NRXN3: variants seen among roughly 807,000 people sequenced by gnomAD.
NRXN3 encodes neurexin 3, also known as neurexin III.
In NRXN3, 32 loss-of-function variants were observed where a neutral mutation model predicts 137.6. The ratio of observed to expected loss-of-function variants is 0.23; its 90% CI spans 0.18 to 0.31. NRXN3 has a LOEUF of 0.31. Ranked by LOEUF, NRXN3 falls within the 10% of genes least tolerant of loss-of-function variation. The probability of loss-of-function intolerance (pLI) is 1.00; values close to 1 mark genes in which losing one functional copy is unlikely to be tolerated. For synonymous variants in NRXN3, 798 were observed against 784.5 expected (o/e 1.02, Z -0.29); for missense variants, 1,574 against 2,062.5 (o/e 0.76, Z 4.59).
chr14:78,450,229 G>A (rs2094519356), intron 4 of NRXN3, among the ~76,000 whole-genome samples: 1 of 152,196 alleles, frequency 6.6e-6, no homozygotes, highest in Non-Finnish European at 1.5e-5. Flanking sequence ...TTAGCAGATT[G>A]AGAAAAGTGT....
At chr14:79,425,408 C>T (rs1440882530) in intron 15 of NRXN3, among the ~76,000 whole-genome samples, 1 of 152,114 alleles carries the variant, frequency 6.6e-6, no homozygotes, top group Admixed American at 6.5e-5. Context: ...TCTTAGAAAA[C>T]CTTCAGTGCC....
chr14:79,112,902 T>C (rs1418074410), intron 15 of NRXN3, among the ~76,000 whole-genome samples: 1 of 152,164 alleles, frequency 6.6e-6, no homozygotes, highest in Middle Eastern at 3.2e-3. Flanking sequence ...TGAAAAAGAT[T>C]AGGCAAAGTT....
intron 19 of NRXN3, among the ~76,000 whole-genome samples, chr14:79,775,496 C>T (rs1385361424): frequency 2.0e-5 from 3 of 147,306 alleles, no homozygotes; most frequent in Non-Finnish European, 4.4e-5. Context: ...GATATTCAGC[C>T]TAAGATGGAT....
At chr14:79,761,608 G>A (rs1441821204) in intron 19 of NRXN3, among the ~76,000 whole-genome samples, 1 of 147,372 alleles carries the variant, frequency 6.8e-6, no homozygotes, top group Non-Finnish European at 1.5e-5. Context: ...CAGGAGAATG[G>A]CGTGAACCCG....
At position 79,692,191 on chromosome 14, in the gene NRXN3, G is replaced by A. The variant is rs768163421; in HGVS notation, c.3635G>A (p.Arg1212His). 3.7e-6 allele frequency: 6 copies of A among 1,607,920 alleles called. No individual in the cohort carries two copies. Among genetic ancestry groups the A allele is most frequent in the African/African-American group, 1.3e-5 (1 of 74,624 alleles). Residue 1212 changes from arginine to histidine, a missense_variant, in exon 18 of 21, where the codon CGC becomes CAC. Around this residue, in one of 5 missense-constraint regions of NRXN3, gnomAD observed 133 missense variants for 241.8 expected, o/e 0.55. Coordinates refer to ENST00000335750, the MANE Select transcript of NRXN3 (RefSeq NM_001330195.2). ...TTTAAAGGCAACACTGATAATGAAC[G>A]CTTCCAAATGGTAAAACAGAAAATC... ...HYPTGNTDNE[R>H]FQMVKQKIPF... is the part of the protein sequence containing the mutation.
intron 15 of NRXN3, among the ~76,000 whole-genome samples, chr14:79,417,381 ACTT>A (rs1156665557): frequency 2.0e-5 from 3 of 151,970 alleles, no homozygotes; most frequent in Non-Finnish European, 4.4e-5. Flanking sequence ...CATTTTTCTC[ACTT>A]CTTGCTTTAA....
intron 8 of NRXN3, among the ~76,000 whole-genome samples, chr14:78,771,890 T>G (rs1466714388): frequency 6.6e-6 from 1 of 152,208 alleles, no homozygotes; most frequent in Non-Finnish European, 1.5e-5. Context: ...CTAAAATGCC[T>G]GGGACCAGAA....
intron 1 of NRXN3, among the ~76,000 whole-genome samples, chr14:78,240,963 A>G (rs1018398478): frequency 1.3e-5 from 2 of 152,208 alleles, no homozygotes; most frequent in Non-Finnish European, 2.9e-5. Flanking sequence ...AGCAACTTGC[A>G]CAGCTCCTAG....
At chr14:79,684,348 A>T (rs1300537675) in intron 17 of NRXN3, among the ~76,000 whole-genome samples, 3 of 152,150 alleles carry the variant, frequency 2.0e-5, no homozygotes, top group Non-Finnish European at 4.4e-5. Flanking sequence ...TCCTGTTATG[A>T]TGTGGTTGTT....
At chr14:79,463,902 G>A (rs2096386349) in intron 15 of NRXN3, among the ~76,000 whole-genome samples, 1 of 152,032 alleles carries the variant, frequency 6.6e-6, no homozygotes, top group African/African-American at 2.4e-5. Context: ...TTCCCAAGAA[G>A]TTGATTTGTA....
intron 16 of NRXN3, among the ~76,000 whole-genome samples, chr14:79,521,600 AAATT>A (rs1167578326): frequency 1.3e-5 from 2 of 152,180 alleles, no homozygotes; most frequent in South Asian, 2.1e-4. Flanking sequence ...GCATGTATTA[AAATT>A]AATTGAGTTG....
intron 15 of NRXN3, among the ~76,000 whole-genome samples, chr14:79,304,454 T>C (rs918815906): frequency 1.3e-5 from 2 of 151,912 alleles, no homozygotes; most frequent in Non-Finnish European, 2.9e-5. Context: ...AATTTTAGAG[T>C]TCATTTGAGC....
At chr14:78,651,565 A>G (rs1278700254) in intron 6 of NRXN3, among the ~76,000 whole-genome samples, 1 of 152,206 alleles carries the variant, frequency 6.6e-6, no homozygotes, top group Non-Finnish European at 1.5e-5. Context: ...GCTGATAAAG[A>G]CATACCCAAG....
Position 79,604,182 on chromosome 14 carries a change from C to T in NRXN3, c.3445-59596C>T, listed in dbSNP as rs1026047744. On this transcript the variant is annotated intron_variant, in intron 16 of 20. Transcript: ENST00000335750. ...CTGGGATTACAAGTGTGAGCCACCG[C>T]GCCCTGCCAGAACAATCCTATTTTC... 5.3e-5 allele frequency among the ~76,000 whole-genome samples: 8 copies of T among 151,848 alleles called. No individual in the cohort carries two copies. In the East Asian group the frequency reaches 5.8e-4, roughly 11 times the overall value.
intron 15 of NRXN3, among the ~76,000 whole-genome samples, chr14:79,388,740 T>C (rs944426052): frequency 2.6e-5 from 4 of 152,142 alleles, no homozygotes; most frequent in South Asian, 2.1e-4. Flanking sequence ...TTAATTTCTT[T>C]TTGGCGGTGA....
rs372429371 is a variant in NRXN3 at position 79,221,383 on chromosome 14, G to A, written c.3262+233242G>A. 6.4e-4 allele frequency among the ~76,000 whole-genome samples: 97 copies of A among 152,214 alleles called. No homozygotes were observed. The East Asian group carries it at 0.011, about 17-fold the overall frequency. ...ACACTCCCCCCAACAGTGTAAAAGC[G>A]TTCCTATTTCTTCACATCCTCCCCA... On this transcript the variant is annotated intron_variant, in intron 15 of 20. Transcript: ENST00000335750.
rs78163382 is a variant in NRXN3, at chr14:79,032,412, A to G, written c.3262+44271A>G. Among the ~76,000 whole-genome samples the G allele has an allele frequency of 6.4e-3, 968 of 152,290 alleles. 10 individuals are homozygous for G. The highest frequency in any genetic ancestry group is 0.022 in the African/African-American group (918 of 41,564). ...TCTCAGCTGATTAGGAATCTCATAA[A>G]TTGTCAAATGTCACTGTTTCAGCTA... On this transcript the variant is annotated intron_variant, in intron 15 of 20. Transcript: ENST00000335750.
intron 4 of NRXN3, among the ~76,000 whole-genome samples, chr14:78,620,692 T>C (rs2097395382): frequency 6.6e-6 from 1 of 152,184 alleles, no homozygotes; most frequent in Non-Finnish European, 1.5e-5. Flanking sequence ...CTGCTGATGA[T>C]GATTTGTTGA....
intron 1 of NRXN3, among the ~76,000 whole-genome samples, chr14:78,212,909 AGT>A (rs1481537075): frequency 1.3e-5 from 2 of 152,218 alleles, no homozygotes; most frequent in African/African-American, 4.8e-5. Context: ...AATAAAAAAA[AGT>A]GGAGCTTTTC....
Sources: gnomAD v4.1 joint callset for allele counts (sites outside exome capture counted in the v4.1 genomes callset) on GRCh38, gnomAD v4.1.1 for gene constraint, gnomAD v4.1.1 regional missense constraint, MANE v1.5 for transcripts, NCBI Gene and HGNC (gene_info 2026-07-23, HGNC 2026-07-21) for gene names.